EAPP: variants seen among roughly 807,000 people sequenced by gnomAD.
EAPP encodes the protein E2F-associated phosphoprotein.
EAPP carries 38 observed loss-of-function variants against 34.3 expected under a neutral mutation model. That is an observed-to-expected ratio of 1.11 (90% CI 0.85 to 1.45). The LOEUF (loss-of-function observed/expected upper bound fraction) is 1.45, where lower values mean the gene tolerates loss of function less well. EAPP is among the 40% of genes most tolerant of loss of function. EAPP has a pLI of 0.00. For synonymous variants in EAPP, 113 were observed against 117.6 expected (o/e 0.96, Z 0.25); for missense variants, 338 against 343.7 (o/e 0.98, Z 0.13).
At chr14:34,538,515 T>C (rs1032429915) in intron 1 of EAPP, among the ~76,000 whole-genome samples, 1 of 152,144 alleles carries the variant, frequency 6.6e-6, no homozygotes, top group Non-Finnish European at 1.5e-5. Context: ...AAAGAAATCT[T>C]AACAGCAGTC....
Position 34,516,008 on chromosome 14 carries a change from G to T in EAPP, c.*302C>A. 3.6e-6 allele frequency: 1 copy of T among 275,478 alleles called. No individual in the cohort carries two copies. The highest frequency in any genetic ancestry group is 6.8e-6 in the Non-Finnish European group (1 of 147,210). 17.1% of individuals were successfully genotyped at this position (275,478 alleles called of 1,614,324 possible). A position where few individuals can be genotyped will look rare whatever the true frequency, so the allele number is the denominator to read the frequency against. ...AATAAAAATAACACTCAGAAACAAA[G>T]ATTGCTTATAATTCCAGAACATTTT... On this transcript the variant is annotated 3_prime_UTR_variant, in exon 6 of 6. Transcript: ENST00000250454.
At chr14:34,516,677 C>T (rs1879743897) in intron 5 of EAPP, 91 bp from the exon 6 acceptor site, 2 of 1,295,690 alleles carry the variant, frequency 1.5e-6, no homozygotes, top group Non-Finnish European at 2.1e-6. Context: ...CAAAAACTTA[C>T]TGAAATACCA....
chr14:34,518,702 T>C (rs1879818818), intron 5 of EAPP, among the ~76,000 whole-genome samples: 1 of 152,186 alleles, frequency 6.6e-6, no homozygotes. Flanking sequence ...TACTGTTATA[T>C]AAATTCCTCT....
chr14:34,536,062 A>G, intron 2 of EAPP, 32 bp downstream of exon 2: 2 of 1,565,128 alleles, frequency 1.3e-6, no homozygotes, highest in Non-Finnish European at 1.7e-6. Context: ...AGAGCTTACA[A>G]AAATATATAT....
At chr14:34,532,075 CA>C (rs757235021) in intron 3 of EAPP, among the ~76,000 whole-genome samples, 1,296 of 67,006 alleles carry the variant, frequency 0.019, 7 homozygotes, top group African/African-American at 0.031. Context: ...GACTCCGTCT[CA>C]AAAAAAAAAA....
intron 5 of EAPP, among the ~76,000 whole-genome samples, chr14:34,524,242 T>C (rs1427907085): frequency 3.3e-5 from 5 of 152,048 alleles, no homozygotes; most frequent in African/African-American, 1.2e-4. Flanking sequence ...CTACAAAAAT[T>C]AGCCGGGTGT....
intron 4 of EAPP, 141 bp from the exon 5 acceptor site, chr14:34,524,948 G>A (rs748443249): frequency 1.0e-4 from 65 of 622,598 alleles, no homozygotes; most frequent in Non-Finnish European, 1.7e-4. Flanking sequence ...TGAACCTGGA[G>A]CATCTTTTAG....
Position 34,536,243 on chromosome 14 carries a change from C to T in EAPP, c.107G>A (p.Gly36Glu). The T allele has an allele frequency of 6.2e-7, 1 of 1,611,484 alleles. No homozygotes were observed. Among genetic ancestry groups the T allele is most frequent in the Non-Finnish European group, 8.5e-7 (1 of 1,179,282 alleles). Residue 36 changes from glycine (G) to glutamate (E), a missense_variant, in exon 2 of 6, where the codon GGA (glycine) becomes GAA (glutamate). By Grantham distance (98) the Gly-to-Glu change is moderately conservative. Transcript: ENST00000250454. ...GAGTTTTCGTTTTTGGTCAGGAGTT[C>T]CATGTAAAAGCACATCCACTTCATC... ...SEDEVDVLLH[G>E]TPDQKRKLIR... is the part of the protein sequence containing the mutation.
At chr14:34,522,658 G>A (rs1879956354) in intron 5 of EAPP, among the ~76,000 whole-genome samples, 1 of 151,748 alleles carries the variant, frequency 6.6e-6, no homozygotes, top group Admixed American at 6.6e-5. Context: ...TTCCTTTTTG[G>A]CACCAGATGG....
rs560493383 is a variant in EAPP at position 34,518,880 on chromosome 14, C to A, written c.582-2294G>T. Among the ~76,000 whole-genome samples, 3 of 152,238 alleles carry A rather than the reference C, an allele frequency of 2.0e-5. No homozygotes were observed. The South Asian group carries it at 6.2e-4, about 32-fold the overall frequency. On this transcript the variant is annotated intron_variant, in intron 5 of 5. Coordinates refer to ENST00000250454, the MANE Select transcript of EAPP (RefSeq NM_018453.4). Reference sequence around the variant, plus strand: ...TCCTTACAAGTGAAGCAAGTTTCTTCTAGGCAGCATATAGTTGAGTCTTGT... The same window carrying A: ...TCCTTACAAGTGAAGCAAGTTTCTTATAGGCAGCATATAGTTGAGTCTTGT...
At chr14:34,534,518 T>G (rs1015142744) in intron 2 of EAPP, among the ~76,000 whole-genome samples, 4 of 152,222 alleles carry the variant, frequency 2.6e-5, no homozygotes, top group African/African-American at 7.2e-5. Flanking sequence ...GTTTCATTAC[T>G]CACTAAAGTG....
chr14:34,533,985 A>C (rs906885301), intron 2 of EAPP, among the ~76,000 whole-genome samples: 1 of 152,086 alleles, frequency 6.6e-6, no homozygotes, highest in African/African-American at 2.4e-5. Context: ...CCATGACATT[A>C]CCTATACTTA....
chr14:34,519,979 G>C (rs1269336163), intron 5 of EAPP, among the ~76,000 whole-genome samples: 1 of 150,508 alleles, frequency 6.6e-6, no homozygotes, highest in Non-Finnish European at 1.5e-5. Flanking sequence ...CCACCTCCCT[G>C]GTTCAAGTGA....
At chr14:34,518,325 ATT>A (rs71404852) in intron 5 of EAPP, among the ~76,000 whole-genome samples, 855 of 73,844 alleles carry the variant, frequency 0.012, 1 homozygote, top group African/African-American at 0.029. Context: ...CTCCCTTTAG[ATT>A]TTTTTTTTTT....
At chr14:34,522,027 T>C (rs2138887035) in intron 5 of EAPP, among the ~76,000 whole-genome samples, 1 of 152,246 alleles carries the variant, frequency 6.6e-6, no homozygotes, top group Non-Finnish European at 1.5e-5. Flanking sequence ...GGCACAATCA[T>C]GGCTCACTGC....
At chr14:34,531,852 G>A (rs1880303256) in intron 3 of EAPP, among the ~76,000 whole-genome samples, 1 of 151,730 alleles carries the variant, frequency 6.6e-6, no homozygotes, top group South Asian at 2.1e-4. Context: ...CGAGGTGGGT[G>A]GATCACAAGG....
chr14:34,524,984 G>GA (rs1055147810), intron 4 of EAPP, among the ~76,000 whole-genome samples, 177 bp from the exon 5 acceptor site: 28 of 151,928 alleles, frequency 1.8e-4, no homozygotes, highest in Admixed American at 1.6e-3. Flanking sequence ...AAGTAATCAA[G>GA]AAAACAAAAA....
Position 34,532,914 on chromosome 14 carries a change from C to G in EAPP, c.352+530G>C, listed in dbSNP as rs546413730. On this transcript the variant is annotated intron_variant, in intron 3 of 5. Transcript: ENST00000250454. Reference sequence around the variant, plus strand: ...CTGGTCTAGAACTCCTGACCTCAGGCAATCTGCCCACCTCTGCCTCCCAAA... The same window carrying G: ...CTGGTCTAGAACTCCTGACCTCAGGGAATCTGCCCACCTCTGCCTCCCAAA... 1.1e-3 allele frequency among the ~76,000 whole-genome samples: 172 copies of G among 152,264 alleles called. 1 individual carries two copies. Among genetic ancestry groups the G allele is most frequent in the African/African-American group, 4.0e-3 (165 of 41,556 alleles).
At chr14:34,519,813 T>C (rs1427579174) in intron 5 of EAPP, among the ~76,000 whole-genome samples, 2 of 151,876 alleles carry the variant, frequency 1.3e-5, no homozygotes, top group Non-Finnish European at 2.9e-5. Flanking sequence ...GAATCTATTA[T>C]AGGTTTTTGC....
Sources: gnomAD v4.1 joint callset for allele counts (sites outside exome capture counted in the v4.1 genomes callset) on GRCh38, gnomAD v4.1.1 for gene constraint, MANE v1.5 for transcripts, NCBI Gene and HGNC (gene_info 2026-07-23, HGNC 2026-07-21) for gene names.